Variants in GRIN2A observed in about 807,000 individuals in gnomAD.
GRIN2A encodes the protein glutamate receptor ionotropic, NMDA 2A.
Under a neutral mutation model 113.4 loss-of-function variants are expected in GRIN2A, and 22 were observed. The observed-to-expected ratio is 0.19, with a 90% CI of 0.14 to 0.28. GRIN2A has a LOEUF of 0.28. GRIN2A is among the 10% of genes least tolerant of loss of function. The pLI is 1.00. For synonymous variants in GRIN2A, 827 were observed against 738.4 expected, an observed-to-expected ratio of 1.12 and a Z score of -1.94; for missense variants, 1,502 against 1,887.0, an observed-to-expected ratio of 0.80 and a Z score of 3.78.
chr16:9,764,452 A>T lies in GRIN2A; in HGVS notation c.3092T>A (p.Val1031Asp). 1.2e-6 allele frequency: 2 copies of T among 1,613,972 alleles called. No homozygotes were observed. The highest frequency in any genetic ancestry group is 1.7e-6 in the Non-Finnish European group (2 of 1,179,976). Residue 1031 changes from valine (V) to aspartate (D), a missense_variant, in exon 13 of 13, where the codon GTC becomes GAC. Transcript: ENST00000330684. ...IRQDSLSQNP[V>D]SQRDEATAEN... is the part of the protein sequence containing the mutation. Reference sequence around the variant, plus strand: ...TGCTGTTGCCTCATCCCTCTGGGAGACTGGATTCTGGGATAGTGAATCCTG... The same window carrying T: ...TGCTGTTGCCTCATCCCTCTGGGAGTCTGGATTCTGGGATAGTGAATCCTG...
rs1284564911 is a variant in GRIN2A, at chr16:9,938,234, G to A, written c.732C>T (p.Arg244=). The A allele has an allele frequency of 2.5e-6, 4 of 1,613,384 alleles. No individual in the cohort carries two copies. The South Asian group carries it at 3.3e-5, about 13-fold the overall frequency. ...AATCATACCCGGTGAGGCCAAGGGA[G>A]CGGGCCTCACTCAGAATGAGAACAG... ...DEAVLILSEA[R]SLGLTGYDFF... The change falls in exon 3 of 13, where the codon CGC becomes CGT. Residue 244 remains arginine (R), a synonymous_variant. Coordinates refer to ENST00000330684, the MANE Select transcript of GRIN2A (RefSeq NM_001134407.3).
chr16:10,035,494 C>A (rs2047008071), intron 2 of GRIN2A, among the ~76,000 whole-genome samples: 2 of 152,300 alleles, frequency 1.3e-5, no homozygotes, highest in Non-Finnish European at 2.9e-5. Flanking sequence ...TTACCTATCC[C>A]TCAAGGCACA....
Position 9,756,718 on chromosome 16 carries a change from T to C in GRIN2A, c.*6431A>G. The stretch of plus-strand genomic sequence containing the variant: ...ATATCGCCTACACTCAATTTAGATA[T>C]ATTTTGATATTTTCAAATTCAGGTG... On this transcript the variant is annotated 3_prime_UTR_variant, in exon 13 of 13. Transcript: ENST00000330684. 1 of 184,488 alleles carries C rather than the reference T, an allele frequency of 5.4e-6. No homozygotes were observed. Among genetic ancestry groups the C allele is most frequent in the Non-Finnish European group, 1.2e-5 (1 of 86,864 alleles). 11.4% of individuals were successfully genotyped at this position (184,488 alleles called of 1,614,324 possible).
rs538484660 is a variant in GRIN2A at position 9,820,026 on chromosome 16, T to C, written c.2168+2238A>G. ...CATCCCCCACATGGGAGATTGAGTA[T>C]AGAATGAATCTGCCATCTGCCCACG... On this transcript the variant is annotated intron_variant, in intron 10 of 12. Transcript: ENST00000330684. Among the ~76,000 whole-genome samples the C allele has an allele frequency of 5.3e-5, 8 of 150,856 alleles. 1 individual carries two copies. In the South Asian group the frequency reaches 1.7e-3, roughly 32 times the overall value.
At chr16:9,931,634 G>T (rs2044596048) in intron 3 of GRIN2A, among the ~76,000 whole-genome samples, 1 of 152,088 alleles carries the variant, frequency 6.6e-6, no homozygotes. Flanking sequence ...TGGTAAGAGG[G>T]TTTTGGTCTG....
chr16:9,855,327 C>A (rs1157838149), intron 4 of GRIN2A, among the ~76,000 whole-genome samples: 1 of 152,216 alleles, frequency 6.6e-6, no homozygotes, highest in African/African-American at 2.4e-5. Flanking sequence ...AAGATAATAA[C>A]AACAAACATC....
At chr16:10,176,740 C>T (rs920220683) in intron 2 of GRIN2A, among the ~76,000 whole-genome samples, 1 of 151,762 alleles carries the variant, frequency 6.6e-6, no homozygotes, top group African/African-American at 2.4e-5. Context: ...AGGAGATATA[C>T]CTAATGTAAA....
intron 2 of GRIN2A, among the ~76,000 whole-genome samples, chr16:9,995,871 A>T (rs2046212740): frequency 6.6e-6 from 1 of 152,024 alleles, no homozygotes; most frequent in Non-Finnish European, 1.5e-5. Flanking sequence ...ATCATCAATG[A>T]GTCTAAGATA....
chr16:10,039,704 A>G (rs1481384509), intron 2 of GRIN2A, among the ~76,000 whole-genome samples: 2 of 146,772 alleles, frequency 1.4e-5, no homozygotes, highest in African/African-American at 5.0e-5. Flanking sequence ...TCGAAGGACC[A>G]GGTGCTGGGC....
At chr16:9,864,183 T>C (rs894731288) in intron 4 of GRIN2A, among the ~76,000 whole-genome samples, 2 of 152,348 alleles carry the variant, frequency 1.3e-5, no homozygotes, top group Middle Eastern at 6.8e-3. Context: ...ATAAATGAAA[T>C]GCCATTTGCA....
chr16:10,088,143 A>G (rs970495212), intron 2 of GRIN2A, among the ~76,000 whole-genome samples: 3 of 152,152 alleles, frequency 2.0e-5, no homozygotes, highest in Non-Finnish European at 4.4e-5. Context: ...TCCCTTGAGA[A>G]ACGCACATTT....
intron 2 of GRIN2A, among the ~76,000 whole-genome samples, chr16:10,118,197 C>T (rs764055267): frequency 2.1e-4 from 32 of 152,168 alleles, no homozygotes; most frequent in Non-Finnish European, 4.1e-4. Context: ...TTCTCGAAGA[C>T]ATTGTTATAT....
chr16:10,133,886 G>A (rs1596540452), intron 2 of GRIN2A, among the ~76,000 whole-genome samples: 1 of 152,118 alleles, frequency 6.6e-6, no homozygotes, highest in Non-Finnish European at 1.5e-5. Flanking sequence ...AACAATTTTG[G>A]AATTCAGTTA....
At chr16:9,890,548 A>G (rs1027411460) in intron 4 of GRIN2A, among the ~76,000 whole-genome samples, 2 of 152,236 alleles carry the variant, frequency 1.3e-5, no homozygotes, top group African/African-American at 4.8e-5. Context: ...TTAAGTTTTT[A>G]AAATTAGTTT....
chr16:10,107,958 A>G (rs2048530033), intron 2 of GRIN2A, among the ~76,000 whole-genome samples: 1 of 152,204 alleles, frequency 6.6e-6, no homozygotes, highest in African/African-American at 2.4e-5. Flanking sequence ...GGGAAAGTAC[A>G]GTTTGAGGGA....
intron 4 of GRIN2A, among the ~76,000 whole-genome samples, chr16:9,851,339 G>T (rs2042879154): frequency 6.6e-6 from 1 of 152,140 alleles, no homozygotes; most frequent in Non-Finnish European, 1.5e-5. Context: ...ACACACACAT[G>T]TTCATTTATT....
chr16:9,996,564 T>C (rs1242422460), intron 2 of GRIN2A, among the ~76,000 whole-genome samples: 3 of 152,212 alleles, frequency 2.0e-5, no homozygotes, highest in Non-Finnish European at 4.4e-5. Context: ...CCTGAGCAGA[T>C]TGTGGTGGGC....
intron 3 of GRIN2A, among the ~76,000 whole-genome samples, chr16:9,894,415 T>G (rs978734116): frequency 1.3e-5 from 2 of 152,216 alleles, no homozygotes; most frequent in African/African-American, 4.8e-5. Context: ...ACATTTTTGT[T>G]CACGGCTTAA....
intron 2 of GRIN2A, among the ~76,000 whole-genome samples, chr16:9,940,068 G>GTGTT (rs2044832889): frequency 6.6e-6 from 1 of 151,756 alleles, no homozygotes; most frequent in African/African-American, 2.4e-5. Flanking sequence ...GAGAGTGTGT[G>GTGTT]TGTGTGTGTG....
Sources: gnomAD v4.1 joint callset for allele counts (sites outside exome capture counted in the v4.1 genomes callset) on GRCh38, gnomAD v4.1.1 for gene constraint, MANE v1.5 for transcripts, NCBI Gene and HGNC (gene_info 2026-07-23, HGNC 2026-07-21) for gene names.